SLC7A8: variants seen among roughly 807,000 people sequenced by gnomAD.
SLC7A8 encodes the protein large neutral amino acids transporter small subunit 2.
SLC7A8 carries 30 observed loss-of-function variants against 51.2 expected under a neutral mutation model. The observed-to-expected ratio is 0.59, with a 90% confidence interval of 0.44 to 0.80. The LOEUF is 0.80. SLC7A8 is among the 30% of genes least tolerant of loss of function. The probability of loss-of-function intolerance (pLI) is 0.00; values close to 1 mark genes in which losing one functional copy is unlikely to be tolerated. For missense variants in SLC7A8, 612 were observed against 674.4 expected, an observed-to-expected ratio of 0.91 and a Z score of 1.03; for synonymous variants, 257 against 275.8, an observed-to-expected ratio of 0.93 and a Z score of 0.67.
chr14:23,176,293 C>T (rs766101040), intron 1 of SLC7A8, among the ~76,000 whole-genome samples: 4 of 152,216 alleles, frequency 2.6e-5, no homozygotes, highest in Non-Finnish European at 5.9e-5. Context: ...CATAGCCACA[C>T]CTCTCTGTTG....
chr14:23,155,519 T>C, intron 3 of SLC7A8: 1 of 1,355,250 alleles, frequency 7.4e-7, no homozygotes, highest in Non-Finnish European at 9.5e-7. Context: ...AAGAGCTGAG[T>C]AGTTCTCTCT....
At chr14:23,132,254 G>A (rs969257333) in intron 7 of SLC7A8, among the ~76,000 whole-genome samples, 7 of 151,830 alleles carry the variant, frequency 4.6e-5, no homozygotes, top group African/African-American at 1.2e-4. Flanking sequence ...CACTTGCCTC[G>A]GCCTCCCAAA....
At chr14:23,127,989 T>G in intron 10 of SLC7A8, 30 bp downstream of exon 10, 3 of 1,601,052 alleles carry the variant, frequency 1.9e-6, no homozygotes, top group South Asian at 1.1e-5. Context: ...CAGGAGGCCC[T>G]GAAGCCAGCC....
At chr14:23,144,232 G>T (rs913214103) in intron 3 of SLC7A8, among the ~76,000 whole-genome samples, 2 of 151,944 alleles carry the variant, frequency 1.3e-5, no homozygotes, top group Admixed American at 1.3e-4. Context: ...CTAAGAAACT[G>T]CCAAACTGTC....
intron 3 of SLC7A8, among the ~76,000 whole-genome samples, chr14:23,148,520 G>A (rs551750108): frequency 1.3e-5 from 2 of 152,296 alleles, no homozygotes; most frequent in African/African-American, 4.8e-5. Context: ...GAGCCACCGC[G>A]CCCAGCCAAG....
chr14:23,182,864 A>C lies in SLC7A8; in HGVS notation c.51T>G (p.Gly17=), dbSNP rs1877246651. The C allele has an allele frequency of 3.1e-6, 5 of 1,613,640 alleles. No homozygotes were observed. Among genetic ancestry groups the C allele is most frequent in the Non-Finnish European group, 4.2e-6 (5 of 1,179,944 alleles). Residue 17 remains glycine, a synonymous_variant, in exon 1 of 11, where the codon GGT becomes GGG. Coordinates refer to ENST00000316902, the MANE Select transcript of SLC7A8 (RefSeq NM_012244.4). ...CGGGGCTGGCGTCCGACTCGCCCCC[A>C]CCTGGGTGTTTCTTTTCGGTGTTGT... is the stretch of plus-strand genomic sequence containing the variant. ...HRNNTEKKHP[G]GGESDASPEA... is the part of the protein sequence containing the mutation.
intron 6 of SLC7A8, 110 bp downstream of exon 6, chr14:23,139,314 G>A: frequency 6.5e-7 from 1 of 1,539,654 alleles, no homozygotes; most frequent in Non-Finnish European, 8.9e-7. Context: ...GAACTTGGGG[G>A]TGATTTCCAC....
At chr14:23,158,120 T>C (rs1374509664) in intron 3 of SLC7A8, among the ~76,000 whole-genome samples, 1 of 152,226 alleles carries the variant, frequency 6.6e-6, no homozygotes, top group Non-Finnish European at 1.5e-5. Context: ...TCTTTCGGTT[T>C]ATTGTTGTCT....
chr14:23,166,615 G>T, intron 1 of SLC7A8, 75 bp from the exon 2 acceptor site: 1 of 1,493,410 alleles, frequency 6.7e-7, no homozygotes, highest in South Asian at 1.1e-5. Context: ...TTTGGAGGGT[G>T]GTCTCATTTC....
intron 7 of SLC7A8, among the ~76,000 whole-genome samples, chr14:23,136,332 C>G (rs1328413257): frequency 1.3e-5 from 2 of 152,218 alleles, no homozygotes; most frequent in African/African-American, 4.8e-5. Flanking sequence ...TCATCGTGCA[C>G]ATAGCCAGGG....
At chr14:23,135,332 G>T (rs1022730904) in intron 7 of SLC7A8, among the ~76,000 whole-genome samples, 3 of 150,672 alleles carry the variant, frequency 2.0e-5, no homozygotes, top group Non-Finnish European at 4.5e-5. Context: ...CTTGTGATCC[G>T]CCCGCCTCAG....
In SLC7A8 at chr14:23,140,575, T is replaced by G. The variant is rs1594823524; in HGVS notation, c.684A>C (p.Glu228Asp). Residue 228 changes from glutamate (E) to aspartate (D), a missense_variant, in exon 5 of 11, where the codon GAA (glutamate) becomes GAC (aspartate). Glu to Asp is a conservative substitution (Grantham distance 45). Transcript: ENST00000316902. ...CCAGTGCGACGAGGCCGATGTCAGG[T>G]TCCTGGAAATTCTCAAATGCATTCT... is the stretch of plus-strand genomic sequence containing the variant. ...EPKNAFENFQEPDIGLVALAF... is the reference protein window; with the variant it reads ...EPKNAFENFQDPDIGLVALAF... 6.2e-7 allele frequency: 1 copy of G among 1,614,070 alleles called. No homozygotes were observed. Among genetic ancestry groups the G allele is most frequent in the South Asian group, 1.1e-5 (1 of 91,060 alleles).
At chr14:23,138,667 T>C (rs2048713916) in intron 6 of SLC7A8, among the ~76,000 whole-genome samples, 1 of 152,240 alleles carries the variant, frequency 6.6e-6, no homozygotes, top group East Asian at 1.9e-4. Context: ...TGTGAAGCTA[T>C]AGATGAATCT....
At chr14:23,139,606 G>A in intron 5 of SLC7A8, 59 bp from the exon 6 acceptor site, 1 of 1,570,462 alleles carries the variant, frequency 6.4e-7, no homozygotes, top group Non-Finnish European at 8.6e-7. Context: ...GCCTTGCCAT[G>A]GAGTCCAGGG....
rs781585326 is a variant in SLC7A8 at position 23,165,346 on chromosome 14, C to A, written c.447G>T (p.Pro149=). Residue 149 remains proline, a synonymous_variant, in exon 3 of 11, where the codon CCG becomes CCT. Coordinates refer to ENST00000316902, the MANE Select transcript of SLC7A8 (RefSeq NM_012244.4). The surrounding 1 kb of genome is among the most constrained non-coding windows in gnomAD (Gnocchi z 4.2). The part of the protein sequence containing the change: ...ALTFSNYVLQ[P]LFPTCFPPES... ...CTGGGGGGAAGCAGGTGGGGAAGAG[C>A]GGCTGCAGCACGTAGTTGGAGAAGG... The A allele has an allele frequency of 6.2e-7, 1 of 1,604,532 alleles. No individual in the cohort carries two copies. The highest frequency in any genetic ancestry group is 8.5e-7 in the Non-Finnish European group (1 of 1,176,644).
At chr14:23,156,265 T>C (rs2048892398) in intron 3 of SLC7A8, 1 of 152,228 alleles carries the variant, frequency 6.6e-6, no homozygotes, top group South Asian at 2.1e-4. Context: ...CCCAAAGTGC[T>C]GGGATTACAG....
intron 1 of SLC7A8, among the ~76,000 whole-genome samples, chr14:23,175,300 C>T (rs918591984): frequency 1.3e-5 from 2 of 152,180 alleles, no homozygotes; most frequent in Non-Finnish European, 2.9e-5. Flanking sequence ...CCTCCATCTC[C>T]TGGGTTCAAG....
In SLC7A8 at chr14:23,134,762, G is replaced by A. The variant is rs186802369; in HGVS notation, c.1016+3159C>T. Among the ~76,000 whole-genome samples the A allele has an allele frequency of 2.3e-3, 349 of 152,230 alleles. 2 individuals are homozygous for A. Among genetic ancestry groups the A allele is most frequent in the African/African-American group, 7.9e-3 (330 of 41,552 alleles). On this transcript the variant is annotated intron_variant, in intron 7 of 10. Transcript: ENST00000316902. Reference sequence around the variant, plus strand: ...AACTTTTTATTTTGAGATAATTGTAGATTTGCATTCAGTGAATCTTACAAC... The same window carrying A: ...AACTTTTTATTTTGAGATAATTGTAAATTTGCATTCAGTGAATCTTACAAC...
chr14:23,141,818 C>T (rs960083028), intron 4 of SLC7A8, among the ~76,000 whole-genome samples: 2 of 152,198 alleles, frequency 1.3e-5, no homozygotes, highest in Non-Finnish European at 2.9e-5. Flanking sequence ...AAACTGCCTT[C>T]CCAGCCCCCC....
Sources: gnomAD v4.1 joint callset for allele counts (sites outside exome capture counted in the v4.1 genomes callset) on GRCh38, gnomAD v4.1.1 for gene constraint, Gnocchi (gnomAD v3.1) non-coding constraint, MANE v1.5 for transcripts, NCBI Gene and HGNC (gene_info 2026-07-23, HGNC 2026-07-21) for gene names.